FGF13: variants seen among roughly 807,000 people sequenced by gnomAD.
FGF13 encodes fibroblast growth factor homologous factor 2.
A neutral mutation model predicts 19.5 loss-of-function variants in FGF13; 2 were observed. The observed-to-expected ratio is 0.10, with a 90% confidence interval of 0.04 to 0.32. FGF13 has a LOEUF of 0.32. Ranked by LOEUF, FGF13 falls within the 10% of genes least tolerant of loss-of-function variation. FGF13 has a pLI of 1.00. For missense variants in FGF13, 113 were observed against 192.7 expected (o/e 0.59, Z 2.45); for synonymous variants, 72 against 76.9 (o/e 0.94, Z 0.33).
At chrX:138,805,983 G>A (rs1178507444) in intron 3 of FGF13, among the ~76,000 whole-genome samples, 1 of 111,546 alleles carries the variant, frequency 9.0e-6, no homozygotes, top group Non-Finnish European at 1.9e-5. Context: ...ACCCTAGGAT[G>A]AAGCATGGCA....
At chrX:139,003,980 C>T (rs75653460) in intron 1 of FGF13, among the ~76,000 whole-genome samples, 7 of 112,518 alleles carry the variant, frequency 6.2e-5, no homozygotes, top group East Asian at 2.8e-4. Context: ...GATCCTGCAC[C>T]GGGGCTGCAG....
chrX:138,857,144 T>C (rs940257310), downstream of FGF13, among the ~76,000 whole-genome samples: 10 of 112,179 alleles, frequency 8.9e-5, no homozygotes, highest in African/African-American at 2.9e-4. Flanking sequence ...TATTTCATTT[T>C]AGAAGTTTCA....
At chrX:138,938,929 G>A (rs1027321829) in intron 1 of FGF13, among the ~76,000 whole-genome samples, 5 of 111,417 alleles carry the variant, frequency 4.5e-5, no homozygotes, top group African/African-American at 6.5e-5. Context: ...GGACTGGGGT[G>A]CAATGCAAGG....
intron 3 of FGF13, among the ~76,000 whole-genome samples, chrX:138,695,873 T>C (rs2089891113): frequency 8.9e-6 from 1 of 112,129 alleles, no homozygotes; most frequent in Non-Finnish European, 1.9e-5. Flanking sequence ...ATATATGCTG[T>C]CAACATGTTA....
intron 3 of FGF13, among the ~76,000 whole-genome samples, chrX:138,815,295 G>A (rs925914310): frequency 2.7e-5 from 3 of 110,637 alleles, no homozygotes; most frequent in Non-Finnish European, 3.8e-5. Context: ...ATACTACATT[G>A]TATACTTAAA....
intron 1 of FGF13, among the ~76,000 whole-genome samples, chrX:139,034,094 T>G (rs2092241932): frequency 9.0e-6 from 1 of 111,590 alleles, no homozygotes; most frequent in South Asian, 3.7e-4. Flanking sequence ...ATGAAAAACA[T>G]AAACCTTATA....
intron 1 of FGF13, among the ~76,000 whole-genome samples, chrX:138,977,442 T>C (rs987929730): frequency 8.9e-6 from 1 of 112,236 alleles, no homozygotes; most frequent in African/African-American, 3.2e-5. Flanking sequence ...GTGGAATCAA[T>C]ACTAACTTGA....
chrX:138,639,223 C>A (rs191717485), intron 3 of FGF13, among the ~76,000 whole-genome samples: 1 of 111,844 alleles, frequency 8.9e-6, no homozygotes, highest in Non-Finnish European at 1.9e-5. Context: ...TCCCAACCCA[C>A]GAAATCCCTG....
At chrX:139,024,088 C>T (rs1459183941) in intron 1 of FGF13, among the ~76,000 whole-genome samples, 6 of 110,578 alleles carry the variant, frequency 5.4e-5, no homozygotes, top group Non-Finnish European at 1.1e-4. Flanking sequence ...TCCAGAAGGG[C>T]TGGGTCTTCT....
At chrX:138,690,781 ATCT>A (rs1362764088) in intron 3 of FGF13, among the ~76,000 whole-genome samples, 2 of 111,191 alleles carry the variant, frequency 1.8e-5, no homozygotes. Context: ...CCTATATGGA[ATCT>A]TCTTACAGTG....
intron 1 of FGF13, among the ~76,000 whole-genome samples, chrX:138,984,527 GAA>G (rs2091979939): frequency 5.7e-5 from 1 of 17,487 alleles, no homozygotes; most frequent in Non-Finnish European, 1.1e-4. Context: ...AGAAGAGGAA[GAA>G]GAAGAAGAAG....
chrX:139,136,935 C>T (rs992202908), intron 1 of FGF13, among the ~76,000 whole-genome samples: 1 of 111,872 alleles, frequency 8.9e-6, no homozygotes, highest in African/African-American at 3.3e-5. Flanking sequence ...AAGACGAATT[C>T]CCAGATGCCA....
At chrX:138,855,994 T>TGTGTGTGTG (rs1569412173), downstream of FGF13, among the ~76,000 whole-genome samples, 6 of 100,825 alleles carry the variant, frequency 6.0e-5, no homozygotes, top group African/African-American at 2.4e-4. Context: ...GTGTGTGTGT[T>TGTGTGTGTG]TATAATTTTT....
At chrX:139,014,178 T>G (rs896818867) in intron 1 of FGF13, among the ~76,000 whole-genome samples, 2 of 111,227 alleles carry the variant, frequency 1.8e-5, no homozygotes, top group African/African-American at 6.5e-5. Context: ...TAAAATAACC[T>G]AATGATGCAT....
At chrX:138,638,390 T>C (rs1415905563) in intron 3 of FGF13, among the ~76,000 whole-genome samples, 1 of 111,745 alleles carries the variant, frequency 8.9e-6, no homozygotes, top group Non-Finnish European at 1.9e-5. Context: ...ACCTACTGGC[T>C]TTCCTCTAAC....
At chrX:139,011,179 T>C (rs965064357) in intron 1 of FGF13, among the ~76,000 whole-genome samples, 1 of 110,084 alleles carries the variant, frequency 9.1e-6, no homozygotes, top group African/African-American at 3.3e-5. Flanking sequence ...GTCAGCAAAA[T>C]AATGTCCAGG....
At chrX:139,030,793 G>T (rs1019012731) in intron 1 of FGF13, among the ~76,000 whole-genome samples, 13 of 111,847 alleles carry the variant, frequency 1.2e-4, no homozygotes, top group African/African-American at 4.2e-4. Flanking sequence ...AAAAAACACA[G>T]ACTGAAGTTG....
rs769473188 is a variant in FGF13 at position 138,969,486 on chromosome X, G to A, written c.-112-104836C>T. On this transcript the variant is annotated intron_variant, in intron 1 of 2. Coordinates refer to the FGF13 transcript ENST00000421460. ...TACACAGGGCAAAGCAGTTTGTGGA[G>A]AAGAATCGAATAGGACATAAAATTG... 1.4e-4 allele frequency among the ~76,000 whole-genome samples: 16 copies of A among 111,812 alleles called. 1 individual carries two copies. The South Asian group carries it at 6.0e-3, about 42-fold the overall frequency.
rs143534565 is a variant in FGF13, at chrX:138,739,261, C to T, written c.9G>A (p.Leu3=). ...TCTTACCTGAATACGACTTCCTTAA[C>T]AAAGCCATGCTTCTTTATAAGCTGG... The change falls in exon 1 of 5, where the codon TTG becomes TTA. Residue 3 remains leucine, a synonymous_variant. Coordinates refer to the FGF13 transcript ENST00000305414. 3.4e-6 allele frequency: 4 copies of T among 1,170,959 alleles called. No homozygotes were observed. In the African/African-American group the frequency reaches 5.3e-5, roughly 16 times the overall value.
Sources: gnomAD v4.1 joint callset for allele counts (sites outside exome capture counted in the v4.1 genomes callset) on GRCh38, gnomAD v4.1.1 for gene constraint, MANE v1.5 for transcripts, NCBI Gene and HGNC (gene_info 2026-07-23, HGNC 2026-07-21) for gene names.